Variants in LRRC75A observed in about 807,000 individuals in gnomAD.
The protein encoded by LRRC75A is leucine rich repeat containing 75A, also known as leucine-rich repeat-containing protein 75A.
In LRRC75A, 12 loss-of-function variants were observed where a neutral mutation model predicts 26.0. The ratio of observed to expected loss-of-function variants is 0.46; its 90% CI spans 0.30 to 0.75. The LOEUF (loss-of-function observed/expected upper bound fraction) is 0.75, where lower values mean the gene tolerates loss of function less well. Ranked by LOEUF, LRRC75A falls within the 30% of genes least tolerant of loss-of-function variation. The probability of loss-of-function intolerance (pLI) is 0.08; values close to 1 mark genes in which losing one functional copy is unlikely to be tolerated. For synonymous variants in LRRC75A, 223 were observed against 219.3 expected (o/e 1.02, Z -0.15); for missense variants, 410 against 486.6 (o/e 0.84, Z 1.48).
In LRRC75A at chr17:16,487,829, T is replaced by C. The variant is rs112406575; in HGVS notation, c.246+3916A>G. ...CCCCAGACAGCAGCAGGAACCAGGA[T>C]TCCAGGCCCTAGCCATACCACTGGG... On this transcript the variant is annotated intron_variant, in intron 1 of 3. Transcript: ENST00000470794. 3.1e-3 allele frequency among the ~76,000 whole-genome samples: 470 copies of C among 152,290 alleles called. 2 individuals are homozygous for C. The highest frequency in any genetic ancestry group is 4.1e-3 in the Non-Finnish European group (280 of 68,020).
chr17:16,458,176 G>C (rs1004903903), intron 2 of LRRC75A, among the ~76,000 whole-genome samples: 3 of 152,178 alleles, frequency 2.0e-5, no homozygotes, highest in African/African-American at 7.2e-5. Flanking sequence ...TGTGGTGGCA[G>C]GTGCCTGTAA....
In LRRC75A at chr17:16,466,800, G is replaced by A. The variant is rs201538854; in HGVS notation, c.247-4414C>T. Among the ~76,000 whole-genome samples the A allele has an allele frequency of 6.6e-5, 10 of 152,326 alleles. No individual in the cohort carries two copies. The East Asian group carries it at 1.9e-3, about 29-fold the overall frequency. ...GAAGAGATGATGGGCTTGGGAATAG[G>A]GGTGCATGTTTCCAAAAAGTGAGTA... On this transcript the variant is annotated intron_variant, in intron 1 of 3. Coordinates refer to ENST00000470794, the MANE Select transcript of LRRC75A (RefSeq NM_001113567.3).
rs909092832 is a variant in LRRC75A, at chr17:16,460,618, G to A, written c.375+1640C>T. 3.4e-4 allele frequency among the ~76,000 whole-genome samples: 52 copies of A among 152,214 alleles called. 2 individuals are homozygous for A. Among genetic ancestry groups the A allele is most frequent in the South Asian group, 2.1e-4 (1 of 4,834 alleles). On this transcript the variant is annotated intron_variant, in intron 2 of 3. Transcript: ENST00000470794. Reference sequence around the variant, plus strand: ...GGGACCACCGGCCTGTGTCCCGCCCGGCTCTGGGTCACTGCATAGGCCCAA... The same window carrying A: ...GGGACCACCGGCCTGTGTCCCGCCCAGCTCTGGGTCACTGCATAGGCCCAA...
At chr17:16,454,344 ATCACG>A (rs2093659052) in intron 2 of LRRC75A, among the ~76,000 whole-genome samples, 1 of 151,780 alleles carries the variant, frequency 6.6e-6, no homozygotes, top group Admixed American at 6.6e-5. Flanking sequence ...GTGAGCCGAG[ATCACG>A]TCATTGCACT....
chr17:16,455,233 T>G (rs1342998586), intron 2 of LRRC75A, among the ~76,000 whole-genome samples: 1 of 152,004 alleles, frequency 6.6e-6, no homozygotes, highest in Admixed American at 6.6e-5. Flanking sequence ...GTGCCTCACC[T>G]GAGCGTCTTC....
In LRRC75A at chr17:16,491,823, G is replaced by A. The variant is rs2093858071; in HGVS notation, c.168C>T (p.Gly56=). ...CCATCCGCAGCAGCTCCTGGACCATGCCGACTCGCCGGTGGTAGGGGGGCA... is the reference window on the plus strand; with the variant it reads ...CCATCCGCAGCAGCTCCTGGACCATACCGACTCGCCGGTGGTAGGGGGGCA... The part of the protein sequence containing the change: ...AGMPPYHRRV[G]MVQELLRMVR... Residue 56 remains glycine (G), a synonymous_variant, in exon 1 of 4, where the codon GGC becomes GGT. Transcript: ENST00000470794. The surrounding 1 kb of genome is among the most constrained non-coding windows in gnomAD (Gnocchi z 5.9). 1 of 1,410,470 alleles carries A rather than the reference G, an allele frequency of 7.1e-7. No individual in the cohort carries two copies. Among genetic ancestry groups the A allele is most frequent in the Non-Finnish European group, 9.3e-7 (1 of 1,079,304 alleles). The allele number at this position is 1,410,470 out of a possible 1,614,324, so 87.4% of individuals were successfully genotyped here. A position where few individuals can be genotyped will look rare whatever the true frequency, so the allele number is the denominator to read the frequency against.
intron 1 of LRRC75A, among the ~76,000 whole-genome samples, chr17:16,476,802 A>T (rs1188477231): frequency 7.0e-6 from 1 of 141,904 alleles, no homozygotes. Flanking sequence ...GCAGTAGCAC[A>T]ATCTCGGCTC....
chr17:16,485,548 C>T (rs1003486780), intron 1 of LRRC75A, among the ~76,000 whole-genome samples: 3 of 151,944 alleles, frequency 2.0e-5, no homozygotes, highest in African/African-American at 7.3e-5. Flanking sequence ...GTTTATAAGC[C>T]ACCCAGTTTA....
intron 2 of LRRC75A, among the ~76,000 whole-genome samples, chr17:16,454,965 TC>T: frequency 6.6e-6 from 1 of 151,830 alleles, no homozygotes; most frequent in South Asian, 2.1e-4. Context: ...TCTTGCTCTG[TC>T]CCCGCCCTCA....
intron 1 of LRRC75A, among the ~76,000 whole-genome samples, chr17:16,474,871 T>C (rs1454879309): frequency 2.0e-5 from 3 of 151,490 alleles, no homozygotes; most frequent in East Asian, 3.9e-4. Flanking sequence ...TGGGCGCCTG[T>C]AGTCCCAGCT....
At chr17:16,453,722 CAG>C (rs1446017143) in intron 2 of LRRC75A, among the ~76,000 whole-genome samples, 1 of 152,134 alleles carries the variant, frequency 6.6e-6, no homozygotes, top group Non-Finnish European at 1.5e-5. Flanking sequence ...CCGGGGCCAG[CAG>C]AGAGCTTTGA....
At chr17:16,449,006 G>GGGTT (rs2093609487) in intron 2 of LRRC75A, among the ~76,000 whole-genome samples, 1 of 152,224 alleles carries the variant, frequency 6.6e-6, no homozygotes, top group Admixed American at 6.5e-5. Flanking sequence ...AGCCAAACTC[G>GGGTT]TGCTGGACAG....
chr17:16,441,636 C>G lies in LRRC75A; in HGVS notation c.*1952G>C, dbSNP rs908090038. 1.5e-5 allele frequency: 5 copies of G among 341,440 alleles called. No homozygotes were observed. The highest frequency in any genetic ancestry group is 6.6e-5 in the African/African-American group (3 of 45,218). The allele number at this position is 341,440 out of a possible 1,614,324, so 21.2% of individuals were successfully genotyped here. On this transcript the variant is annotated 3_prime_UTR_variant, in exon 4 of 4. Transcript: ENST00000470794. Reference sequence around the variant, plus strand: ...TTGCCCAGGCTGGAGTGTGGTGGCACAATCACAGCTCATTGCATCCTCAAT... The same window carrying G: ...TTGCCCAGGCTGGAGTGTGGTGGCAGAATCACAGCTCATTGCATCCTCAAT...
At chr17:16,481,450 G>A (rs564388518) in intron 1 of LRRC75A, among the ~76,000 whole-genome samples, 6 of 152,298 alleles carry the variant, frequency 3.9e-5, no homozygotes, top group Middle Eastern at 3.4e-3. Flanking sequence ...ACATCCCTAC[G>A]GGAAGACATT....
At chr17:16,477,242 A>T (rs1424795226) in intron 1 of LRRC75A, among the ~76,000 whole-genome samples, 1 of 152,220 alleles carries the variant, frequency 6.6e-6, no homozygotes, top group Non-Finnish European at 1.5e-5. Flanking sequence ...CTAGTGTTTG[A>T]CCCAAAATTG....
At chr17:16,483,616 G>A (rs997389343) in intron 1 of LRRC75A, among the ~76,000 whole-genome samples, 1 of 152,178 alleles carries the variant, frequency 6.6e-6, no homozygotes, top group African/African-American at 2.4e-5. Context: ...GGGTCATTTC[G>A]CCCACCACTC....
intron 1 of LRRC75A, among the ~76,000 whole-genome samples, chr17:16,466,066 AG>A (rs2093766307): frequency 6.6e-6 from 1 of 152,224 alleles, no homozygotes; most frequent in South Asian, 2.1e-4. Context: ...AACCCCACCT[AG>A]GCCCACAGGA....
chr17:16,479,538 C>T (rs1317899537), intron 1 of LRRC75A, among the ~76,000 whole-genome samples: 2 of 152,240 alleles, frequency 1.3e-5, no homozygotes, highest in African/African-American at 2.4e-5. Flanking sequence ...GCACCTTCTT[C>T]CACTTCTCAT....
chr17:16,458,971 C>T (rs889042819), intron 2 of LRRC75A, among the ~76,000 whole-genome samples: 1 of 152,216 alleles, frequency 6.6e-6, no homozygotes, highest in Non-Finnish European at 1.5e-5. Context: ...TGGCTCTGGA[C>T]CAGGTGTTCT....
Sources: allele counts gnomAD v4.1 joint callset (sites outside exome capture counted in the v4.1 genomes callset), GRCh38; gene constraint gnomAD v4.1.1; non-coding constraint Gnocchi (gnomAD v3.1); transcripts MANE v1.5; gene names NCBI Gene and HGNC (gene_info 2026-07-23, HGNC 2026-07-21).